TIAM2: variants seen among roughly 807,000 people sequenced by gnomAD.
TIAM2 encodes rho guanine nucleotide exchange factor TIAM2.
In TIAM2, 80 loss-of-function variants were observed where a neutral mutation model predicts 152.9. The ratio of observed to expected loss-of-function variants is 0.52; its 90% CI spans 0.44 to 0.63. The LOEUF (loss-of-function observed/expected upper bound fraction) is 0.63, where lower values mean the gene tolerates loss of function less well. Among genes scored for constraint, TIAM2 ranks in the 30% least tolerant of loss-of-function variants. The pLI is 0.00. For missense variants in TIAM2, 1,965 were observed against 2,120.1 expected (o/e 0.93, Z 1.44); for synonymous variants, 804 against 838.0 (o/e 0.96, Z 0.70).
chr6:155,224,506 T>C (rs769932355), intron 15 of TIAM2, among the ~76,000 whole-genome samples: 6 of 152,134 alleles, frequency 3.9e-5, no homozygotes, highest in Non-Finnish European at 5.9e-5. Flanking sequence ...TGTAAATCCG[T>C]CTCCTGCTGT....
At chr6:155,103,742 A>AG (rs1778600727) in intron 2 of TIAM2, among the ~76,000 whole-genome samples, 2 of 150,236 alleles carry the variant, frequency 1.3e-5, no homozygotes, top group Admixed American at 1.3e-4. Flanking sequence ...AAAAAAAAAA[A>AG]AAAGGAATTA....
intron 11 of TIAM2, 49 bp downstream of exon 11, chr6:155,179,192 C>G: frequency 6.5e-7 from 1 of 1,534,400 alleles, no homozygotes; most frequent in Non-Finnish European, 8.9e-7. Flanking sequence ...CATCTATGGC[C>G]CTTTGATTTT....
chr6:155,028,291 T>C (rs1352111422), intron 1 of TIAM2, among the ~76,000 whole-genome samples: 1 of 128,884 alleles, frequency 7.8e-6, no homozygotes, highest in Non-Finnish European at 1.6e-5. Context: ...CTGTGTTACA[T>C]ATATACTACA....
At position 155,256,925 on chromosome 6, in the gene TIAM2, G is replaced by C. The variant is rs1271575224; in HGVS notation, c.4910G>C (p.Arg1637Pro). 1 of 1,614,164 alleles carries C rather than the reference G, an allele frequency of 6.2e-7. No homozygotes were observed. Among genetic ancestry groups the C allele is most frequent in the Non-Finnish European group, 8.5e-7 (1 of 1,180,030 alleles). The change falls in exon 27 of 27, where the codon CGA (arginine) becomes CCA (proline). Residue 1637 changes from arginine to proline, a missense_variant. Arg to Pro is a moderately radical substitution (Grantham distance 103). Transcript: ENST00000682666. ...CGGGGGCACTTCTGCCCCATTAAAC[G>C]AAAAGCCAACAGCACCAAGAGGGAC... is the stretch of plus-strand genomic sequence containing the variant. ...LVRGHFCPIK[R>P]KANSTKRDRG...
intron 1 of TIAM2, among the ~76,000 whole-genome samples, chr6:155,029,055 A>G (rs1776721653): frequency 8.1e-6 from 1 of 123,604 alleles, no homozygotes; most frequent in Non-Finnish European, 1.6e-5. Flanking sequence ...TATGTTATAT[A>G]TACACTGTAT....
chr6:155,187,644 A>G (rs1781080936), intron 14 of TIAM2, among the ~76,000 whole-genome samples: 1 of 133,122 alleles, frequency 7.5e-6, no homozygotes, highest in Non-Finnish European at 1.5e-5. Flanking sequence ...CAATGGTGCA[A>G]TCTTGGCTCA....
At chr6:155,108,499 A>G (rs1778751894) in intron 2 of TIAM2, among the ~76,000 whole-genome samples, 1 of 152,238 alleles carries the variant, frequency 6.6e-6, no homozygotes, top group South Asian at 2.1e-4. Context: ...AGTGAAGTCC[A>G]TTGAAGAACT....
At chr6:155,198,645 A>G (rs1781403949) in intron 14 of TIAM2, among the ~76,000 whole-genome samples, 1 of 140,574 alleles carries the variant, frequency 7.1e-6, no homozygotes, top group Non-Finnish European at 1.5e-5. Flanking sequence ...CTAGACAACA[A>G]GAGCAAACAA....
At chr6:155,105,551 C>A (rs1467722872) in intron 2 of TIAM2, among the ~76,000 whole-genome samples, 1 of 152,120 alleles carries the variant, frequency 6.6e-6, no homozygotes, top group Non-Finnish European at 1.5e-5. Context: ...CCACATCAGC[C>A]TCCCTTGTAG....
chr6:155,036,720 C>T (rs1024700956), intron 1 of TIAM2, among the ~76,000 whole-genome samples: 2 of 151,486 alleles, frequency 1.3e-5, no homozygotes, highest in Non-Finnish European at 2.9e-5. Flanking sequence ...CAGGTTCAAG[C>T]GATTCTCCTG....
chr6:155,256,534 A>T lies in TIAM2; in HGVS notation c.4519A>T (p.Thr1507Ser). 6.2e-7 allele frequency: 1 copy of T among 1,614,200 alleles called. No homozygotes were observed. The highest frequency in any genetic ancestry group is 1.1e-5 in the South Asian group (1 of 91,084). ...GAAGAATTCCTCCAGCAACGAGTGG[A>T]CCGGTGAGACTGGCAAGGGAACCTT... ...VLKNSSSNEW[T>S]GETGKGTLLD... Residue 1507 changes from threonine (T) to serine (S), a missense_variant, in exon 27 of 27, where the codon ACC becomes TCC. Physicochemically the swap from Thr to Ser is moderately conservative, Grantham distance 58. This residue lies in a region of TIAM2 where 935 missense variants were observed against 980.0 expected (regional missense o/e 0.95). Coordinates refer to ENST00000682666, the MANE Select transcript of TIAM2 (RefSeq NM_012454.4).
At chr6:155,211,358 G>A in intron 15 of TIAM2, 51 bp downstream of exon 15, 1 of 1,508,706 alleles carries the variant, frequency 6.6e-7, no homozygotes, top group Non-Finnish European at 9.2e-7. Flanking sequence ...GCGAGTGTTA[G>A]TTCCCACCTT....
Position 155,156,516 on chromosome 6 carries a change from G to A in TIAM2, c.2029-7899G>A, listed in dbSNP as rs1416947580. Among the ~76,000 whole-genome samples, 1 of 152,052 alleles carries A rather than the reference G, an allele frequency of 6.6e-6. No individual in the cohort carries two copies. Among genetic ancestry groups the A allele is most frequent in the Non-Finnish European group, 1.5e-5 (1 of 68,008 alleles). ...CTAAAAATACAAAAATAATTAGCCA[G>A]GTGTCGTGGCGCATACCTGTAATCC... On this transcript the variant is annotated intron_variant, in intron 7 of 26. Coordinates refer to ENST00000682666, the MANE Select transcript of TIAM2 (RefSeq NM_012454.4). The surrounding 1 kb of genome is among the most constrained non-coding windows in gnomAD (Gnocchi z 4.4).
Position 155,249,900 on chromosome 6 carries a change from G to T in TIAM2, c.3882G>T (p.Gln1294His), listed in dbSNP as rs1311141522. Residue 1294 changes from glutamine to histidine, a missense_variant, in exon 21 of 27, where the codon CAG becomes CAT. Transcript: ENST00000682666. ...EKVASHINEM[Q>H]KIYEDYGTVF... ...TAGCGAGCCACATCAATGAGATGCA[G>T]AAGATCTATGAGGATTATGGGACCG... 5 of 1,614,168 alleles carry T rather than the reference G, an allele frequency of 3.1e-6. No homozygotes were observed. In the South Asian group the frequency reaches 5.5e-5, roughly 18 times the overall value.
chr6:155,203,005 C>T (rs376709010), intron 14 of TIAM2, among the ~76,000 whole-genome samples: 3 of 142,064 alleles, frequency 2.1e-5, no homozygotes, highest in South Asian at 4.4e-4. Context: ...GCTGAGTTCA[C>T]GCCACTGCAC....
At chr6:155,066,437 G>T (rs949424939) in intron 1 of TIAM2, among the ~76,000 whole-genome samples, 1 of 152,236 alleles carries the variant, frequency 6.6e-6, no homozygotes, top group Admixed American at 6.5e-5. Context: ...CCTGTACCGT[G>T]TCACCGCTGG....
Position 155,256,731 on chromosome 6 carries a change from T to C in TIAM2, c.4716T>C (p.Asp1572=). ...AGAGTGACATCCTGAGCGATGAAGA[T>C]GATGACCACCGTCAGACTGTGAAGC... The part of the protein sequence containing the change: ...IKESDILSDE[D]DDHRQTVKQG... Residue 1572 remains aspartate, a synonymous_variant, in exon 27 of 27, where the codon GAT becomes GAC. Coordinates refer to ENST00000682666, the MANE Select transcript of TIAM2 (RefSeq NM_012454.4). The C allele has an allele frequency of 2.5e-6, 4 of 1,614,194 alleles. No homozygotes were observed. In the South Asian group the frequency reaches 4.4e-5, roughly 18 times the overall value.
At chr6:155,145,094 G>C (rs567759299) in intron 6 of TIAM2, among the ~76,000 whole-genome samples, 2 of 152,240 alleles carry the variant, frequency 1.3e-5, no homozygotes, top group African/African-American at 4.8e-5. Flanking sequence ...TGAGCGCAAT[G>C]GTCAAGATTC....
chr6:155,021,079 A>T (rs1776471011), intron 1 of TIAM2, among the ~76,000 whole-genome samples: 1 of 152,116 alleles, frequency 6.6e-6, no homozygotes, highest in Non-Finnish European at 1.5e-5. Flanking sequence ...TTTAAAGCGA[A>T]ATAATATTCC....
Sources: allele counts gnomAD v4.1 joint callset (sites outside exome capture counted in the v4.1 genomes callset), GRCh38; gene constraint gnomAD v4.1.1; regional missense constraint gnomAD v4.1.1; non-coding constraint Gnocchi (gnomAD v3.1); transcripts MANE v1.5; gene names NCBI Gene and HGNC (gene_info 2026-07-23, HGNC 2026-07-21).